Variants in POLGARF observed in about 807,000 individuals in gnomAD.
POLGARF encodes POLG alternative reading frame.
chr15:89,333,246 G>A, the POLGARF span: 3 of 1,574,900 alleles, frequency 1.9e-6, no homozygotes, highest in African/African-American at 1.4e-5. Context: ...CTCCGCCCAG[G>A]CCCAAGCCGG....
At chr15:89,333,455 C>A in the POLGARF span, 3 of 1,610,852 alleles carry the variant, frequency 1.9e-6, no homozygotes, top group Non-Finnish European at 1.7e-6. Context: ...CGCTGCGGCG[C>A]ACCGCGGCCT....
chr15:89,333,445 C>T, the POLGARF span: 1 of 1,610,016 alleles, frequency 6.2e-7, no homozygotes, highest in Non-Finnish European at 8.5e-7. Flanking sequence ...AGGTGCTCGA[C>T]GCTGCGGCGC....
the POLGARF span, among the ~76,000 whole-genome samples, chr15:89,331,772 C>T: frequency 6.6e-6 from 1 of 151,900 alleles, no homozygotes; most frequent in Non-Finnish European, 1.5e-5. Context: ...CATGTGGCAC[C>T]CACCCCCACC....
chr15:89,333,404 G>A, the POLGARF span: 2 of 1,602,198 alleles, frequency 1.2e-6, no homozygotes, highest in Middle Eastern at 1.7e-4. Context: ...GCAAGGGCAC[G>A]GCTGGCTGCC....
the POLGARF span, chr15:89,332,112 T>C: frequency 6.6e-6 from 1 of 152,268 alleles, no homozygotes; most frequent in East Asian, 1.9e-4. Context: ...TCCCCTTTAC[T>C]TTGACCATCA....
the POLGARF span, chr15:89,333,010 A>C: frequency 6.7e-7 from 1 of 1,484,982 alleles, no homozygotes; most frequent in African/African-American, 1.4e-5. Context: ...CCAGCCCGTA[A>C]CAGGACCTCA....
At chr15:89,333,564 G>C in the POLGARF span, 1 of 1,610,934 alleles carries the variant, frequency 6.2e-7, no homozygotes, top group African/African-American at 1.3e-5. Flanking sequence ...CCCGCCCTCC[G>C]AGGATAGCAC....
At chr15:89,333,691 G>A in the POLGARF span, 8 of 1,543,584 alleles carry the variant, frequency 5.2e-6, no homozygotes, top group East Asian at 1.5e-4. Context: ...CAGCGCCCCG[G>A]AGCTGGAACC....
At chr15:89,333,179 C>A in the POLGARF span, 4 of 1,567,068 alleles carry the variant, frequency 2.6e-6, no homozygotes, top group Middle Eastern at 6.8e-4. Flanking sequence ...CCAGGGCCCG[C>A]TCCTCGGGGA....
At chr15:89,332,791 G>A in the POLGARF span, among the ~76,000 whole-genome samples, 1 of 152,082 alleles carries the variant, frequency 6.6e-6, no homozygotes, top group Non-Finnish European at 1.5e-5. Flanking sequence ...ATTAGGAGAG[G>A]GGGTAAAGGC....
the POLGARF span, chr15:89,333,208 C>G: frequency 2.7e-5 from 42 of 1,575,312 alleles, no homozygotes; most frequent in African/African-American, 5.4e-5. Context: ...GGTACGGCCT[C>G]CCCCTCGGGG....
the POLGARF span, among the ~76,000 whole-genome samples, chr15:89,332,899 G>T: frequency 6.6e-6 from 1 of 152,096 alleles, no homozygotes; most frequent in Non-Finnish European, 1.5e-5. Context: ...CATTTACTTG[G>T]GTATTTGCTT....
At chr15:89,332,984 C>A in the POLGARF span, 3 of 1,401,156 alleles carry the variant, frequency 2.1e-6, no homozygotes, top group Non-Finnish European at 2.9e-6. Context: ...CACATCAGCG[C>A]TCCCTACGTG....
At chr15:89,330,394 G>T in the POLGARF span, 2 of 817,248 alleles carry the variant, frequency 2.4e-6, no homozygotes, top group Non-Finnish European at 4.1e-6. Flanking sequence ...GGGGACACAA[G>T]TGAGACCAAA....
the POLGARF span, among the ~76,000 whole-genome samples, chr15:89,330,980 T>C: frequency 1.3e-5 from 2 of 152,106 alleles, no homozygotes; most frequent in Non-Finnish European, 2.9e-5. Flanking sequence ...TGCAGTTTGC[T>C]CAAGATCCAC....
At chr15:89,332,803 C>A in the POLGARF span, among the ~76,000 whole-genome samples, 1 of 152,134 alleles carries the variant, frequency 6.6e-6, no homozygotes, top group Non-Finnish European at 1.5e-5. Flanking sequence ...GGTAAAGGCA[C>A]CAAATCACCG....
At chr15:89,330,391 C>T in the POLGARF span, 2 of 815,052 alleles carry the variant, frequency 2.5e-6, no homozygotes, top group Non-Finnish European at 4.1e-6. Context: ...GCTGGGGACA[C>T]AAGTGAGACC....
the POLGARF span, chr15:89,333,181 C>A: frequency 6.4e-7 from 1 of 1,568,588 alleles, no homozygotes; most frequent in Admixed American, 1.8e-5. Context: ...AGGGCCCGCT[C>A]CTCGGGGATG....
the POLGARF span, chr15:89,333,620 CT>C: frequency 5.6e-6 from 9 of 1,601,010 alleles, no homozygotes; most frequent in African/African-American, 1.3e-5. Context: ...GCTGCTGCTG[CT>C]GCTGCTGCCG....
Sources: allele counts gnomAD v4.1 joint callset (sites outside exome capture counted in the v4.1 genomes callset), GRCh38; gene constraint gnomAD v4.1.1; transcripts MANE v1.5; gene names NCBI Gene and HGNC (gene_info 2026-07-23, HGNC 2026-07-21).